PCSK1: variants seen among roughly 807,000 people sequenced by gnomAD.
PCSK1 encodes proprotein convertase subtilisin/kexin type 1.
Under a neutral mutation model 90.6 loss-of-function variants are expected in PCSK1, and 56 were observed. The observed-to-expected ratio is 0.62, with a 90% confidence interval of 0.50 to 0.77. The LOEUF is 0.77. Among genes scored for constraint, PCSK1 ranks in the 30% least tolerant of loss-of-function variants. PCSK1 has a pLI of 0.00. For synonymous variants in PCSK1, 348 were observed against 342.4 expected (o/e 1.02, Z -0.18); for missense variants, 801 against 932.6 (o/e 0.86, Z 1.84).
In PCSK1 at chr5:96,408,264, T is replaced by C; in HGVS notation, c.1155A>G (p.Ala385=). The C allele has an allele frequency of 1.9e-6, 3 of 1,614,064 alleles. No homozygotes were observed. Among genetic ancestry groups the C allele is most frequent in the Non-Finnish European group, 2.5e-6 (3 of 1,179,980 alleles). ...TETHTGTSAS[A]PLAAGIFALA... ...GAGCGAAGATGCCAGCAGCCAGAGG[T>C]GCAGAGGCCGAGGTGCCTGTGTGCG... Residue 385 remains alanine, a synonymous_variant, in exon 9 of 14, where the codon GCA becomes GCG. Transcript: ENST00000311106.
chr5:96,410,993 G>A lies in PCSK1; in HGVS notation c.883-7C>T. 1.3e-6 allele frequency: 2 copies of A among 1,599,178 alleles called. No individual in the cohort carries two copies. The highest frequency in any genetic ancestry group is 4.5e-5 in the East Asian group (2 of 44,792). Reference sequence around the variant, plus strand: ...ACCCCTTCCCCTGTCTCCCCTAAAGGAAAAGCCAGAATGCATATTATCTGT... The same window carrying A: ...ACCCCTTCCCCTGTCTCCCCTAAAGAAAAAGCCAGAATGCATATTATCTGT... On this transcript the variant is annotated splice_region_variant and splice_polypyrimidine_tract_variant and intron_variant, in intron 7 of 13. Coordinates refer to ENST00000311106, the MANE Select transcript of PCSK1 (RefSeq NM_000439.5).
chr5:96,427,087 G>T (rs529075151), intron 2 of PCSK1, among the ~76,000 whole-genome samples: 4 of 152,274 alleles, frequency 2.6e-5, no homozygotes, highest in East Asian at 3.9e-4. Flanking sequence ...GAGGTAGAGG[G>T]TCACTTACAC....
rs1760632122 is a variant in PCSK1, at chr5:96,408,092, AG to A, written c.1196+130del. ...CTATGGTTAGTGACCTCGAAGTGGC[AG>A]GAAAGAGCTTATCTTTATTTGCAGT... On this transcript the variant is annotated intron_variant, in intron 9 of 13. Transcript: ENST00000311106. 4.2e-6 allele frequency: 3 copies of A among 707,530 alleles called. No homozygotes were observed. In the Admixed American group the frequency reaches 6.1e-5, roughly 14 times the overall value. 43.8% of individuals were successfully genotyped at this position (707,530 alleles called of 1,614,324 possible). A position where few individuals can be genotyped will look rare whatever the true frequency, so the allele number is the denominator to read the frequency against.
chr5:96,407,079 A>T (rs1760596694), intron 9 of PCSK1, among the ~76,000 whole-genome samples: 1 of 152,254 alleles, frequency 6.6e-6, no homozygotes, highest in African/African-American at 2.4e-5. Flanking sequence ...AAGAAACCAT[A>T]ATAAAAGACA....
intron 10 of PCSK1, among the ~76,000 whole-genome samples, chr5:96,399,469 A>G (rs1438876506): frequency 1.3e-5 from 2 of 152,178 alleles, no homozygotes; most frequent in Admixed American, 1.3e-4. Flanking sequence ...GTGGTGTGCT[A>G]GAGGGAGTCT....
rs752229289 is a variant in PCSK1, at chr5:96,393,413, G to A, written c.1885-35C>T. The A allele has an allele frequency of 2.5e-6, 4 of 1,612,296 alleles. No individual in the cohort carries two copies. The South Asian group carries it at 4.4e-5, about 18-fold the overall frequency. On this transcript the variant is annotated intron_variant, in intron 13 of 13. Transcript: ENST00000311106. Reference sequence around the variant, plus strand: ...AGAATGCCATCCACAAAGGGAAGAAGGTTCATTATTTATGGCCAGGCAAGC... The same window carrying A: ...AGAATGCCATCCACAAAGGGAAGAAAGTTCATTATTTATGGCCAGGCAAGC...
chr5:96,425,066 A>AAGAAAG (rs1554059797), intron 3 of PCSK1, among the ~76,000 whole-genome samples: 113 of 140,436 alleles, frequency 8.0e-4, no homozygotes, highest in African/African-American at 2.8e-3. Context: ...GAAAGAAAGA[A>AAGAAAG]AGAAAGAAAA....
chr5:96,393,257 C>A lies in PCSK1; in HGVS notation c.2006G>T (p.Arg669Leu), dbSNP rs567748971. ...TTTACTGAAAGCACTTTGCAGGAGT[C>A]GCAGCATGGCCTGGGAAGGGGCTCC... Reference protein sequence around the residue: ...EEGAPSQAMLRLLQSAFSKNS... With the variant: ...EEGAPSQAMLLLLQSAFSKNS... Residue 669 changes from arginine (R) to leucine (L), a missense_variant, in exon 14 of 14, where the codon CGA (arginine) becomes CTA (leucine). By Grantham distance (102) the Arg-to-Leu change is moderately radical. Coordinates refer to ENST00000311106, the MANE Select transcript of PCSK1 (RefSeq NM_000439.5). 4 of 1,613,816 alleles carry A rather than the reference C, an allele frequency of 2.5e-6. No homozygotes were observed. Among genetic ancestry groups the A allele is most frequent in the Non-Finnish European group, 3.4e-6 (4 of 1,179,952 alleles).
chr5:96,395,292 T>C (rs781557675), intron 12 of PCSK1, among the ~76,000 whole-genome samples: 16 of 152,250 alleles, frequency 1.1e-4, no homozygotes, highest in Non-Finnish European at 1.3e-4. Flanking sequence ...TTGGATGTGT[T>C]CTTGGAAAGC....
Position 96,429,082 on chromosome 5 carries a change from A to T in PCSK1, c.285+131T>A, listed in dbSNP as rs1440705496. 2.1e-5 allele frequency: 13 copies of T among 621,994 alleles called. 1 individual carries two copies. The East Asian group carries it at 3.6e-4, about 17-fold the overall frequency. The allele number at this position is 621,994 out of a possible 1,614,324, so 38.5% of individuals were successfully genotyped here. A position where few individuals can be genotyped will look rare whatever the true frequency, so the allele number is the denominator to read the frequency against. Reference sequence around the variant, plus strand: ...AATTTTATGGAAAGAAATTAGAAATAATACAGATAAACAATCTTGGTCACA... The same window carrying T: ...AATTTTATGGAAAGAAATTAGAAATTATACAGATAAACAATCTTGGTCACA... On this transcript the variant is annotated intron_variant, in intron 2 of 13. Transcript: ENST00000311106.
At chr5:96,412,752 G>GTTTTTTTTTGTTTGTT (rs1760802946) in intron 6 of PCSK1, among the ~76,000 whole-genome samples, 3 of 71,806 alleles carry the variant, frequency 4.2e-5, no homozygotes, top group African/African-American at 1.8e-4. Context: ...CAGCTGTGAT[G>GTTTTTTTTTGTTTGTT]TTTTTTTTTT....
chr5:96,422,951 G>A (rs1245195179), intron 4 of PCSK1, among the ~76,000 whole-genome samples: 1 of 145,040 alleles, frequency 6.9e-6, no homozygotes, highest in Admixed American at 6.7e-5. Flanking sequence ...TAAAAGAGGT[G>A]AGGAGGGAAA....
Position 96,432,856 on chromosome 5 carries a change from C to G in PCSK1, c.180+7G>C. On this transcript the variant is annotated splice_region_variant and intron_variant, in intron 1 of 13. Coordinates refer to ENST00000311106, the MANE Select transcript of PCSK1 (RefSeq NM_000439.5). ...CCAGAAAGTTTCTTGAAAGTGGAAA[C>G]TCTTACCTGACCCAAAAGGTCATAG... 6.2e-7 allele frequency: 1 copy of G among 1,612,800 alleles called. No individual in the cohort carries two copies. Among genetic ancestry groups the G allele is most frequent in the South Asian group, 1.1e-5 (1 of 91,022 alleles).
At chr5:96,399,594 T>C (rs1320835693) in intron 10 of PCSK1, among the ~76,000 whole-genome samples, 5 of 152,220 alleles carry the variant, frequency 3.3e-5, no homozygotes, top group Non-Finnish European at 7.3e-5. Flanking sequence ...GGTTGGCAAG[T>C]ACTGCATTTC....
intron 9 of PCSK1, among the ~76,000 whole-genome samples, chr5:96,405,121 G>T (rs1760512168): frequency 6.6e-6 from 1 of 152,152 alleles, no homozygotes; most frequent in Non-Finnish European, 1.5e-5. Flanking sequence ...ATGTTCAATT[G>T]AGAACAGAAA....
chr5:96,407,009 CT>C (rs1760594392), intron 9 of PCSK1, among the ~76,000 whole-genome samples: 2 of 152,006 alleles, frequency 1.3e-5, no homozygotes, highest in Non-Finnish European at 1.5e-5. Context: ...AAAGTTAAAT[CT>C]TTTTTTAACA....
intron 1 of PCSK1, chr5:96,432,243 G>C (rs1327558418): frequency 1.1e-6 from 1 of 900,626 alleles, no homozygotes; most frequent in African/African-American, 1.7e-5. Context: ...AGATGGTCCC[G>C]TGTCTTTCAC....
chr5:96,394,279 A>G (rs1482202893), intron 13 of PCSK1, among the ~76,000 whole-genome samples: 1 of 152,238 alleles, frequency 6.6e-6, no homozygotes, highest in Admixed American at 6.5e-5. Context: ...GGAAGCCAGG[A>G]GCCATAGCAG....
Position 96,392,846 on chromosome 5 carries a change from C to G in PCSK1, c.*155G>C. On this transcript the variant is annotated 3_prime_UTR_variant, in exon 14 of 14. Transcript: ENST00000311106. ...TTGAACTTCCTGCTTGAGCTCATCC[C>G]CTTCACATGTACAGTTTAGGGAGAA... The G allele has an allele frequency of 2.7e-6, 2 of 745,424 alleles. No homozygotes were observed. The highest frequency in any genetic ancestry group is 3.3e-5 in the South Asian group (2 of 60,342). The allele number at this position is 745,424 out of a possible 1,614,324, so 46.2% of individuals were successfully genotyped here.
Sources: allele counts gnomAD v4.1 joint callset (sites outside exome capture counted in the v4.1 genomes callset), GRCh38; gene constraint gnomAD v4.1.1; transcripts MANE v1.5; gene names NCBI Gene and HGNC (gene_info 2026-07-23, HGNC 2026-07-21).